NCOR2: variants seen among roughly 807,000 people sequenced by gnomAD.
NCOR2 encodes CTG repeat protein 26.
A neutral mutation model predicts 262.9 loss-of-function variants in NCOR2; 81 were observed. The ratio of observed to expected loss-of-function variants is 0.31; its 90% CI spans 0.26 to 0.37. NCOR2 has a LOEUF of 0.37. NCOR2 is among the 10% of genes least tolerant of loss of function. NCOR2 has a pLI of 1.00. For missense variants in NCOR2, 3,385 were observed against 3,621.4 expected, an observed-to-expected ratio of 0.93 and a Z score of 1.68; for synonymous variants, 1,659 against 1,559.3, an observed-to-expected ratio of 1.06 and a Z score of -1.51.
chr12:124,396,563 C>T (rs372003775), intron 16 of NCOR2, among the ~76,000 whole-genome samples: 4 of 151,806 alleles, frequency 2.6e-5, no homozygotes, highest in South Asian at 2.1e-4. Context: ...GCCCAGGCCC[C>T]GCTGGCATGC....
intron 7 of NCOR2, among the ~76,000 whole-genome samples, chr12:124,438,340 C>T (rs780932216): frequency 7.2e-5 from 11 of 152,198 alleles, no homozygotes; most frequent in Non-Finnish European, 1.5e-4. Flanking sequence ...CAGCCACAGC[C>T]TCCAACTAGG....
At chr12:124,331,778 C>G (rs2035224029) in intron 43 of NCOR2, 1 of 160,430 alleles carries the variant, frequency 6.2e-6, no homozygotes. Context: ...TCTACTCCAG[C>G]CCCAGGAAGG....
At chr12:124,450,746 T>A (rs1486486301) in intron 6 of NCOR2, among the ~76,000 whole-genome samples, 3 of 152,182 alleles carry the variant, frequency 2.0e-5, no homozygotes, top group Non-Finnish European at 4.4e-5. Context: ...CCCTCCCAGA[T>A]GGAAGAACCT....
intron 10 of NCOR2, among the ~76,000 whole-genome samples, chr12:124,427,916 G>T (rs1405758630): frequency 6.6e-6 from 1 of 152,048 alleles, no homozygotes; most frequent in African/African-American, 2.4e-5. Context: ...GCACACTCCC[G>T]GGGGAACCTC....
intron 1 of NCOR2, among the ~76,000 whole-genome samples, chr12:124,489,789 AG>A (rs1203164423): frequency 6.6e-6 from 1 of 152,076 alleles, no homozygotes; most frequent in African/African-American, 2.4e-5. Context: ...CTGGGTCCCA[AG>A]GGTGGGGAGG....
At chr12:124,434,187 CCTG>C (rs1342662981) in intron 8 of NCOR2, among the ~76,000 whole-genome samples, 3 of 152,118 alleles carry the variant, frequency 2.0e-5, no homozygotes, top group African/African-American at 7.2e-5. Context: ...TCCCCAGGAA[CCTG>C]CTAAGGTGTG....
At chr12:124,353,053 T>C (rs932981047) in intron 27 of NCOR2, among the ~76,000 whole-genome samples, 5 of 152,204 alleles carry the variant, frequency 3.3e-5, no homozygotes, top group African/African-American at 1.2e-4. Flanking sequence ...GTTTGACCCT[T>C]GCCTATCTCA....
intron 2 of NCOR2, among the ~76,000 whole-genome samples, chr12:124,485,631 A>G (rs1257838119): frequency 6.6e-6 from 1 of 152,194 alleles, no homozygotes; most frequent in Admixed American, 6.5e-5. Context: ...CCCCTCCTCC[A>G]GACGCCTGCG....
chr12:124,542,193 C>T (rs2051388124), intron 1 of NCOR2, among the ~76,000 whole-genome samples: 1 of 151,986 alleles, frequency 6.6e-6, no homozygotes. Flanking sequence ...ACTCTGGAGC[C>T]TTTCCCACCA....
intron 1 of NCOR2, among the ~76,000 whole-genome samples, chr12:124,551,676 G>T (rs2051718058): frequency 6.6e-6 from 1 of 152,180 alleles, no homozygotes; most frequent in Non-Finnish European, 1.5e-5. Flanking sequence ...CTGGGACCTG[G>T]AGTCTCTTCC....
Position 124,339,990 on chromosome 12 carries a change from T to C in NCOR2, c.5687+16A>G, listed in dbSNP as rs1367380151. Reference sequence around the variant, plus strand: ...ATCCACCTGCCCGCCCCCTCCCCCATGCCAACCTGGCCCACCTCAGGACCG... The same window carrying C: ...ATCCACCTGCCCGCCCCCTCCCCCACGCCAACCTGGCCCACCTCAGGACCG... On this transcript the variant is annotated intron_variant, in intron 37 of 46. Transcript: ENST00000405201. 1.0e-5 allele frequency: 14 copies of C among 1,382,776 alleles called. No homozygotes were observed. Among genetic ancestry groups the C allele is most frequent in the Non-Finnish European group, 1.4e-5 (14 of 1,036,394 alleles). 85.7% of individuals were successfully genotyped at this position (1,382,776 alleles called of 1,614,324 possible).
chr12:124,340,188 G>GCTGCTGCCA (rs779452504), exon 37 of NCOR2: 64 of 1,608,762 alleles, frequency 4.0e-5, no homozygotes, highest in Non-Finnish European at 4.9e-5. Context: ...CGCTGCTGCC[G>GCTGCTGCCA]CTGCTCTGCT....
intron 13 of NCOR2, among the ~76,000 whole-genome samples, chr12:124,417,596 C>T (rs575722141): frequency 2.6e-4 from 40 of 151,500 alleles, no homozygotes; most frequent in African/African-American, 7.6e-4. Flanking sequence ...GCCCAACAGA[C>T]GCCTGATGAT....
intron 4 of NCOR2, among the ~76,000 whole-genome samples, chr12:124,471,170 C>T (rs748538370): frequency 6.6e-6 from 1 of 152,222 alleles, no homozygotes; most frequent in Admixed American, 6.5e-5. Context: ...CACGTGACAG[C>T]CACGATGGAC....
At chr12:124,395,596 G>C (rs1200225771) in intron 16 of NCOR2, among the ~76,000 whole-genome samples, 1 of 152,180 alleles carries the variant, frequency 6.6e-6, no homozygotes, top group South Asian at 2.1e-4. Flanking sequence ...CTCTCCGCCG[G>C]TGAGTCATCC....
intron 2 of NCOR2, among the ~76,000 whole-genome samples, chr12:124,485,973 C>T (rs2047749115): frequency 6.7e-6 from 1 of 150,030 alleles, no homozygotes; most frequent in South Asian, 2.1e-4. Flanking sequence ...TCCCACTCCC[C>T]ACCTCCCTCT....
intron 4 of NCOR2, among the ~76,000 whole-genome samples, chr12:124,466,877 G>A (rs976094081): frequency 6.6e-6 from 1 of 152,082 alleles, no homozygotes; most frequent in Non-Finnish European, 1.5e-5. Context: ...CTAGAGAGCC[G>A]TTGTGAAGGT....
At chr12:124,541,527 A>AGC (rs1225335991) in intron 1 of NCOR2, among the ~76,000 whole-genome samples, 3 of 14,828 alleles carry the variant, frequency 2.0e-4, no homozygotes, top group Non-Finnish European at 3.7e-4. Context: ...GGGAGTGGAG[A>AGC]TGGAGAGGGA....
At chr12:124,487,953 T>C (rs1487969293) in intron 1 of NCOR2, among the ~76,000 whole-genome samples, 2 of 150,160 alleles carry the variant, frequency 1.3e-5, no homozygotes, top group African/African-American at 4.9e-5. Context: ...CCAATTCCAA[T>C]AGATTAGTTC....
Sources: gnomAD v4.1 joint callset for allele counts (sites outside exome capture counted in the v4.1 genomes callset) on GRCh38, gnomAD v4.1.1 for gene constraint, MANE v1.5 for transcripts, NCBI Gene and HGNC (gene_info 2026-07-23, HGNC 2026-07-21) for gene names.